Variants in UBE3C observed in about 807,000 individuals in gnomAD.
UBE3C encodes the protein ubiquitin protein ligase E3C, also known as ubiquitin-protein ligase E3C.
Under a neutral mutation model 129.4 loss-of-function variants are expected in UBE3C, and 42 were observed. The observed-to-expected ratio is 0.32, with a 90% confidence interval of 0.25 to 0.42. UBE3C has a LOEUF of 0.42. Among genes scored for constraint, UBE3C ranks in the 10% least tolerant of loss-of-function variants. UBE3C has a pLI of 1.00. For synonymous variants in UBE3C, 510 were observed against 492.4 expected (o/e 1.04, Z -0.47); for missense variants, 1,049 against 1,319.1 (o/e 0.80, Z 3.17).
intron 2 of UBE3C, among the ~76,000 whole-genome samples, chr7:157,167,505 T>C (rs1808249354): frequency 6.6e-6 from 1 of 152,312 alleles, no homozygotes; most frequent in African/African-American, 2.4e-5. Flanking sequence ...GTAAGATGAC[T>C]GTGCATTTGT....
At chr7:157,214,572 C>T (rs1373652522) in intron 13 of UBE3C, among the ~76,000 whole-genome samples, 5 of 152,134 alleles carry the variant, frequency 3.3e-5, no homozygotes, top group Non-Finnish European at 7.4e-5. Flanking sequence ...CTAATTTCAG[C>T]ATGGTAACTA....
chr7:157,172,436 C>G (rs577453007), intron 4 of UBE3C, among the ~76,000 whole-genome samples: 10 of 152,298 alleles, frequency 6.6e-5, no homozygotes, highest in Non-Finnish European at 1.2e-4. Flanking sequence ...GTCTTCCTCG[C>G]TACAAACCAT....
intron 1 of UBE3C, 102 bp from the exon 2 acceptor site, chr7:157,163,703 ATGATC>A: frequency 8.3e-6 from 10 of 1,203,154 alleles, no homozygotes; most frequent in Non-Finnish European, 1.2e-5. Context: ...GCTTGTTTGG[ATGATC>A]TTTAGGATCT....
intron 1 of UBE3C, among the ~76,000 whole-genome samples, chr7:157,157,778 C>T (rs1474002633): frequency 1.3e-5 from 2 of 152,100 alleles, no homozygotes; most frequent in Non-Finnish European, 2.9e-5. Context: ...AGTTTGAGAC[C>T]AGCCTGGCCA....
At chr7:157,155,471 G>A (rs1412114531) in intron 1 of UBE3C, among the ~76,000 whole-genome samples, 6 of 152,032 alleles carry the variant, frequency 3.9e-5, no homozygotes, top group African/African-American at 1.2e-4. Context: ...GCTAACAATC[G>A]TTCTGTAAAT....
chr7:157,208,024 G>T, intron 13 of UBE3C, 89 bp downstream of exon 13: 3 of 327,092 alleles, frequency 9.2e-6, no homozygotes, highest in African/African-American at 2.1e-5. Context: ...AAAAATGCAG[G>T]TTTGTTTCAG....
rs28837421 is a variant in UBE3C at position 157,145,347 on chromosome 7, A to G, written c.66+6009A>G. 9.0e-3 allele frequency among the ~76,000 whole-genome samples: 1,372 copies of G among 152,136 alleles called. 16 individuals carry two copies. Among genetic ancestry groups the G allele is most frequent in the African/African-American group, 0.031 (1,281 of 41,500 alleles). On this transcript the variant is annotated intron_variant, in intron 1 of 22. Coordinates refer to ENST00000348165, the MANE Select transcript of UBE3C (RefSeq NM_014671.3). ...AGCCTGGTCAACATGGTGATACTCT[A>G]TCTCTACTAAAAATACAAAAATTAG...
intron 1 of UBE3C, among the ~76,000 whole-genome samples, chr7:157,140,469 C>T (rs1169216524): frequency 6.6e-6 from 1 of 152,192 alleles, no homozygotes; most frequent in East Asian, 1.9e-4. Context: ...GAACTAAGTA[C>T]TGTGCAGTTA....
intron 17 of UBE3C, among the ~76,000 whole-genome samples, chr7:157,226,901 A>G (rs1257049512): frequency 6.6e-6 from 1 of 152,138 alleles, no homozygotes; most frequent in Non-Finnish European, 1.5e-5. Flanking sequence ...TGTGAATGAG[A>G]TGAGACTAGG....
chr7:157,200,423 G>A (rs1023564616), intron 10 of UBE3C, among the ~76,000 whole-genome samples: 3 of 152,130 alleles, frequency 2.0e-5, no homozygotes, highest in Non-Finnish European at 4.4e-5. Context: ...GAAATTACTC[G>A]ACCAATCAAA....
intron 14 of UBE3C, among the ~76,000 whole-genome samples, chr7:157,218,852 ACT>A (rs1250314054): frequency 1.3e-5 from 2 of 152,104 alleles, no homozygotes; most frequent in African/African-American, 4.8e-5. Flanking sequence ...AAAACAGCTA[ACT>A]CTGAGTTCGC....
At chr7:157,203,310 A>G (rs1267945878) in intron 11 of UBE3C, among the ~76,000 whole-genome samples, 2 of 152,254 alleles carry the variant, frequency 1.3e-5, no homozygotes, top group African/African-American at 4.8e-5. Flanking sequence ...TGGCTAAAGC[A>G]GAGACAAAAG....
At chr7:157,225,843 C>T (rs538007687) in intron 17 of UBE3C, among the ~76,000 whole-genome samples, 1 of 152,218 alleles carries the variant, frequency 6.6e-6, no homozygotes, top group South Asian at 2.1e-4. Flanking sequence ...CCCTGCTCTG[C>T]AAAAGGCTGA....
intron 5 of UBE3C, among the ~76,000 whole-genome samples, chr7:157,177,192 CTGATG>C (rs1199779604): frequency 2.6e-5 from 4 of 152,314 alleles, no homozygotes; most frequent in Non-Finnish European, 5.9e-5. Flanking sequence ...CCCAGCCATT[CTGATG>C]GGTGTGTAGC....
intron 1 of UBE3C, among the ~76,000 whole-genome samples, chr7:157,159,383 G>A (rs1343778318): frequency 1.3e-5 from 2 of 151,614 alleles, no homozygotes; most frequent in East Asian, 1.9e-4. Flanking sequence ...TAAACCAGTT[G>A]GTGGCGGTGA....
chr7:157,223,045 G>A (rs528071097), intron 15 of UBE3C: 8 of 497,176 alleles, frequency 1.6e-5, no homozygotes, highest in East Asian at 7.3e-5. Context: ...TTTAATATTC[G>A]ATCAAGTTAT....
chr7:157,169,854 T>A (rs1050037284), intron 3 of UBE3C, among the ~76,000 whole-genome samples: 2 of 152,078 alleles, frequency 1.3e-5, no homozygotes, highest in Non-Finnish European at 2.9e-5. Flanking sequence ...CTAAATGTTT[T>A]TGTATTTTTA....
At chr7:157,174,003 A>G (rs569698596) in intron 4 of UBE3C, among the ~76,000 whole-genome samples, 191 of 152,232 alleles carry the variant, frequency 1.3e-3, no homozygotes, top group Non-Finnish European at 8.2e-4. Context: ...GTTAATGTCG[A>G]AGAAACTACT....
chr7:157,247,829 G>A lies in UBE3C; in HGVS notation c.2482-539G>A, dbSNP rs12112880. 4.0e-3 allele frequency among the ~76,000 whole-genome samples: 610 copies of A among 152,298 alleles called. 5 individuals carry two copies. Among genetic ancestry groups the A allele is most frequent in the African/African-American group, 0.014 (581 of 41,552 alleles). ...TGCTGCAGGGCAGAGTGGCATATGC[G>A]GTTATGAACTGGGACCCCCCAAAAC... is the stretch of plus-strand genomic sequence containing the variant. On this transcript the variant is annotated intron_variant, in intron 18 of 22. Coordinates refer to ENST00000348165, the MANE Select transcript of UBE3C (RefSeq NM_014671.3).
Sources: gnomAD v4.1 joint callset for allele counts (sites outside exome capture counted in the v4.1 genomes callset) on GRCh38, gnomAD v4.1.1 for gene constraint, MANE v1.5 for transcripts, NCBI Gene and HGNC (gene_info 2026-07-23, HGNC 2026-07-21) for gene names.